The following NTAQ1 variants were observed in gnomAD, a reference collection of about 807,000 sequenced individuals.
The protein encoded by NTAQ1 is protein N-terminal glutamine amidohydrolase.
In NTAQ1, 21 loss-of-function variants were observed where a neutral mutation model predicts 28.2. The ratio of observed to expected loss-of-function variants is 0.74; its 90% CI spans 0.53 to 1.07. The LOEUF (loss-of-function observed/expected upper bound fraction) is 1.07, where lower values mean the gene tolerates loss of function less well. NTAQ1 is among the 50% of genes least tolerant of loss of function. The probability of loss-of-function intolerance (pLI) is 0.00; values close to 1 mark genes in which losing one functional copy is unlikely to be tolerated. For synonymous variants in NTAQ1, 105 were observed against 90.0 expected (o/e 1.17, Z -0.94); for missense variants, 264 against 256.6 (o/e 1.03, Z -0.20).
downstream of NTAQ1, among the ~76,000 whole-genome samples, chr8:123,452,688 G>C (rs1444575751): frequency 4.6e-5 from 7 of 151,794 alleles, no homozygotes; most frequent in African/African-American, 1.7e-4. Context: ...GATCACCTGA[G>C]GTCAGGCATT....
intron 1 of NTAQ1, among the ~76,000 whole-genome samples, chr8:123,419,969 TAA>T (rs1813578945): frequency 1.3e-5 from 2 of 152,144 alleles, no homozygotes; most frequent in South Asian, 4.2e-4. Context: ...GTTACATGGG[TAA>T]AGTGTATGTG....
chr8:123,441,174 A>T, intron 5 of NTAQ1, 132 bp from the exon 6 acceptor site: 1 of 664,702 alleles, frequency 1.5e-6, no homozygotes, highest in Non-Finnish European at 2.6e-6. Flanking sequence ...AAGGCCAGAA[A>T]ACCACAGAAG....
Position 123,436,589 on chromosome 8 carries a change from C to T in NTAQ1, c.371C>T (p.Pro124Leu). ...TTTAAGTCTGATGATGACATTCACC[C>T]ACAGTTTAGGAGGTGAGGACATTCA... ...DAFKSDDDIH[P>L]QFRRKFRVIR... is the part of the protein sequence containing the mutation. The change falls in exon 4 of 6, where the codon CCA becomes CTA. Residue 124 changes from proline to leucine, a missense_variant. Physicochemically the swap from Pro to Leu is moderately conservative, Grantham distance 98. Transcript: ENST00000287387. 6.2e-7 allele frequency: 1 copy of T among 1,613,746 alleles called. No homozygotes were observed. The highest frequency in any genetic ancestry group is 8.5e-7 in the Non-Finnish European group (1 of 1,179,890).
intron 6 of NTAQ1, among the ~76,000 whole-genome samples, chr8:123,461,598 A>G (rs1218977585): frequency 6.6e-6 from 1 of 152,030 alleles, no homozygotes; most frequent in Non-Finnish European, 1.5e-5. Flanking sequence ...CTATAATGAC[A>G]CCCTAGGTCC....
At chr8:123,417,119 G>A (rs909936255) in intron 1 of NTAQ1, among the ~76,000 whole-genome samples, 187 bp downstream of exon 1, 2 of 152,250 alleles carry the variant, frequency 1.3e-5, no homozygotes, top group African/African-American at 4.8e-5. Flanking sequence ...TGGGCTATTG[G>A]ATGGGGTTGG....
downstream of NTAQ1, among the ~76,000 whole-genome samples, chr8:123,452,018 G>T (rs1248587585): frequency 1.3e-5 from 2 of 152,172 alleles, no homozygotes; most frequent in Non-Finnish European, 2.9e-5. Context: ...AATGACTTTT[G>T]CAGAGAGCAA....
intron 6 of NTAQ1, among the ~76,000 whole-genome samples, chr8:123,462,182 A>G (rs1305164191): frequency 6.6e-6 from 1 of 151,978 alleles, no homozygotes; most frequent in Non-Finnish European, 1.5e-5. Flanking sequence ...AGTAGCTGGG[A>G]CTACAGGTGC....
intron 6 of NTAQ1, among the ~76,000 whole-genome samples, chr8:123,462,248 A>T (rs1463169651): frequency 1.3e-5 from 2 of 152,008 alleles, no homozygotes; most frequent in African/African-American, 2.4e-5. Context: ...GGGTTTCATC[A>T]TGCTCTCCAG....
chr8:123,441,034 A>C (rs1262414613), intron 5 of NTAQ1, among the ~76,000 whole-genome samples: 1 of 130,218 alleles, frequency 7.7e-6, no homozygotes, highest in Admixed American at 8.0e-5. Flanking sequence ...TACTTAGCCA[A>C]AGACTCGGGG....
chr8:123,437,437 C>T, intron 5 of NTAQ1, 103 bp downstream of exon 5: 1 of 1,495,592 alleles, frequency 6.7e-7, no homozygotes, highest in Non-Finnish European at 9.0e-7. Context: ...TTGAATAAAA[C>T]TCCATGAGTG....
chr8:123,440,344 C>T (rs561816714), intron 5 of NTAQ1, among the ~76,000 whole-genome samples: 35 of 151,076 alleles, frequency 2.3e-4, no homozygotes, highest in African/African-American at 6.6e-4. Flanking sequence ...TTAGTAGAGA[C>T]GGGGTTTCAC....
chr8:123,440,146 C>CTT lies in NTAQ1; in HGVS notation c.509-1134_509-1133dup, dbSNP rs577877415. 1.9e-3 allele frequency among the ~76,000 whole-genome samples: 108 copies of CTT among 56,574 alleles called. 23 individuals are homozygous for CTT. Among genetic ancestry groups the CTT allele is most frequent in the African/African-American group, 5.1e-3 (68 of 13,276 alleles). The allele number at this position is 56,574 out of a possible 152,430, so 37.1% of individuals were successfully genotyped here. Reference sequence around the variant, plus strand: ...CCACCACGCTGGCCAGGATTAACTCCTTTTTTTTTTTTTTTTTTTTTTTTT... The same window carrying CTT: ...CCACCACGCTGGCCAGGATTAACTCCTTTTTTTTTTTTTTTTTTTTTTTTTTT... On this transcript the variant is annotated intron_variant, in intron 5 of 5. Transcript: ENST00000287387.
At chr8:123,417,831 C>G (rs1328408615) in intron 1 of NTAQ1, among the ~76,000 whole-genome samples, 1 of 152,120 alleles carries the variant, frequency 6.6e-6, no homozygotes, top group Non-Finnish European at 1.5e-5. Flanking sequence ...TCGTTATCCT[C>G]ATTTTACTAA....
At position 123,437,440 on chromosome 8, in the gene NTAQ1, C is replaced by T; in HGVS notation, c.508+106C>T. 8 of 1,487,500 alleles carry T rather than the reference C, an allele frequency of 5.4e-6. No individual in the cohort carries two copies. In the South Asian group the frequency reaches 9.2e-5, roughly 17 times the overall value. 92.1% of individuals were successfully genotyped at this position (1,487,500 alleles called of 1,614,324 possible). A position where few individuals can be genotyped will look rare whatever the true frequency, so the allele number is the denominator to read the frequency against. Reference sequence around the variant, plus strand: ...TCAGGTTGTTCTTTGAATAAAACTCCATGAGTGAATCCCAGCACTTTGGGA... The same window carrying T: ...TCAGGTTGTTCTTTGAATAAAACTCTATGAGTGAATCCCAGCACTTTGGGA... On this transcript the variant is annotated intron_variant, in intron 5 of 5. Transcript: ENST00000287387.
chr8:123,471,287 A>G (rs1816038685), downstream of NTAQ1, among the ~76,000 whole-genome samples: 1 of 152,046 alleles, frequency 6.6e-6, no homozygotes, highest in African/African-American at 2.4e-5. Context: ...ACTCTACTCC[A>G]CTGTGACCTC....
intron 5 of NTAQ1, among the ~76,000 whole-genome samples, chr8:123,440,146 CTTTTTTTTTTTTTTTTTTT>C (rs577877415): frequency 1.8e-5 from 1 of 56,542 alleles, no homozygotes; most frequent in South Asian, 9.8e-4. Context: ...GGATTAACTC[CTTTTTTTTTTTTTTTTTTT>C]TTTTTTTTGA....
At position 123,436,590 on chromosome 8, in the gene NTAQ1, A is replaced by G; in HGVS notation, c.372A>G (p.Pro124=). The change falls in exon 4 of 6, where the codon CCA becomes CCG. Residue 124 remains proline, a synonymous_variant. Coordinates refer to ENST00000287387, the MANE Select transcript of NTAQ1 (RefSeq NM_018024.3). The stretch of plus-strand genomic sequence containing the variant: ...TTAAGTCTGATGATGACATTCACCC[A>G]CAGTTTAGGAGGTGAGGACATTCAA... ...DAFKSDDDIH[P]QFRRKFRVIR... 6.2e-7 allele frequency: 1 copy of G among 1,613,710 alleles called. No individual in the cohort carries two copies. The highest frequency in any genetic ancestry group is 8.5e-7 in the Non-Finnish European group (1 of 1,179,868).
intron 1 of NTAQ1, among the ~76,000 whole-genome samples, chr8:123,421,037 G>A (rs1344682828): frequency 2.0e-5 from 3 of 149,830 alleles, no homozygotes; most frequent in Admixed American, 1.3e-4. Context: ...TGCCTGCCTC[G>A]GCCTCCCAAA....
intron 5 of NTAQ1, among the ~76,000 whole-genome samples, chr8:123,437,649 G>A (rs968838662): frequency 2.6e-5 from 4 of 151,182 alleles, no homozygotes; most frequent in African/African-American, 9.7e-5. Context: ...CTTGCAGTGA[G>A]CTGAGATCGG....
Sources: allele counts gnomAD v4.1 joint callset (sites outside exome capture counted in the v4.1 genomes callset), GRCh38; gene constraint gnomAD v4.1.1; transcripts MANE v1.5; gene names NCBI Gene and HGNC (gene_info 2026-07-23, HGNC 2026-07-21).